VGLL4: variants seen among roughly 807,000 people sequenced by gnomAD.
VGLL4 encodes the protein vestigial like family member 4.
In VGLL4, 7 loss-of-function variants were observed where a neutral mutation model predicts 21.0. That is an observed-to-expected ratio of 0.33 (90% confidence interval 0.19 to 0.63). The LOEUF (loss-of-function observed/expected upper bound fraction) is 0.63, where lower values mean the gene tolerates loss of function less well. Ranked by LOEUF, VGLL4 falls within the 20% of genes least tolerant of loss-of-function variation. The pLI is 0.78. For synonymous variants in VGLL4, 222 were observed against 173.2 expected (o/e 1.28, Z -2.21); for missense variants, 394 against 425.7 (o/e 0.93, Z 0.66).
chr3:11,612,837 T>C (rs1394041121), intron 1 of VGLL4, among the ~76,000 whole-genome samples: 1 of 152,244 alleles, frequency 6.6e-6, no homozygotes, highest in Non-Finnish European at 1.5e-5. Context: ...TAACACCAAG[T>C]GCACAGTCCT....
chr3:11,638,827 G>C (rs529595720), intron 1 of VGLL4, among the ~76,000 whole-genome samples: 2 of 152,268 alleles, frequency 1.3e-5, no homozygotes, highest in African/African-American at 4.8e-5. Flanking sequence ...ACCGCTGGTG[G>C]TTAGACTGGT....
chr3:11,651,083 C>T (rs538524439), intron 2 of VGLL4, among the ~76,000 whole-genome samples: 1 of 152,180 alleles, frequency 6.6e-6, no homozygotes, highest in Non-Finnish European at 1.5e-5. Flanking sequence ...CGCGGTGGCT[C>T]ACGCCTGTAA....
chr3:11,573,308 G>GA (rs2073903442), intron 2 of VGLL4, among the ~76,000 whole-genome samples: 2 of 23,018 alleles, frequency 8.7e-5, no homozygotes, highest in East Asian at 1.4e-3. Flanking sequence ...AGAAAGAAAG[G>GA]AAGGAAGGAA....
chr3:11,685,712 T>G (rs1179991826), intron 2 of VGLL4, among the ~76,000 whole-genome samples: 1 of 152,046 alleles, frequency 6.6e-6, no homozygotes, highest in Admixed American at 6.6e-5. Flanking sequence ...GTAGCCAGAA[T>G]AGATAAAGAA....
chr3:11,709,775 T>C (rs1007182575), intron 1 of VGLL4, among the ~76,000 whole-genome samples: 9 of 152,234 alleles, frequency 5.9e-5, no homozygotes, highest in African/African-American at 2.2e-4. Context: ...AGCTCAGCTA[T>C]AAATCTGACA....
At chr3:11,639,613 C>T (rs1204380921) in intron 1 of VGLL4, among the ~76,000 whole-genome samples, 1 of 152,258 alleles carries the variant, frequency 6.6e-6, no homozygotes, top group Non-Finnish European at 1.5e-5. Context: ...TGGCTCACAC[C>T]TGTAATCCCA....
chr3:11,694,003 T>C (rs1465572573), intron 2 of VGLL4, among the ~76,000 whole-genome samples: 1 of 152,164 alleles, frequency 6.6e-6, no homozygotes, highest in African/African-American at 2.4e-5. Context: ...CGTTCAATTC[T>C]CAGCACTGCC....
intron 2 of VGLL4, among the ~76,000 whole-genome samples, chr3:11,660,852 C>T (rs1294313999): frequency 6.6e-6 from 1 of 152,042 alleles, no homozygotes; most frequent in Non-Finnish European, 1.5e-5. Flanking sequence ...AATTAAATAA[C>T]GTTGGGATCC....
At chr3:11,570,218 G>A (rs552496285) in intron 2 of VGLL4, among the ~76,000 whole-genome samples, 18 of 152,094 alleles carry the variant, frequency 1.2e-4, no homozygotes, top group African/African-American at 4.3e-4. Flanking sequence ...CAGCCGCTCA[G>A]GGTCGTCACA....
intron 1 of VGLL4, among the ~76,000 whole-genome samples, chr3:11,609,614 G>C (rs564024626): frequency 2.0e-5 from 3 of 152,328 alleles, no homozygotes; most frequent in East Asian, 3.9e-4. Context: ...GAGATGGGGC[G>C]AGTGATTGGG....
chr3:11,557,543 G>A lies in VGLL4; in HGVS notation c.*1013C>T, dbSNP rs1292672990. ...TGCTCATCGCGAGGGCCTGCCAGGAGCTGGCCTCCCGCACTACTTGTGAGT... is the reference window on the plus strand; with the variant it reads ...TGCTCATCGCGAGGGCCTGCCAGGAACTGGCCTCCCGCACTACTTGTGAGT... On this transcript the variant is annotated 3_prime_UTR_variant, in exon 5 of 5. Coordinates refer to ENST00000430365, the MANE Select transcript of VGLL4 (RefSeq NM_001128219.3). 6.6e-6 allele frequency: 1 copy of A among 152,560 alleles called. No individual in the cohort carries two copies. Among genetic ancestry groups the A allele is most frequent in the Non-Finnish European group, 1.5e-5 (1 of 68,056 alleles). The allele number at this position is 152,560 out of a possible 1,614,324, so 9.5% of individuals were successfully genotyped here.
At chr3:11,677,678 C>T (rs997773668) in intron 2 of VGLL4, among the ~76,000 whole-genome samples, 3 of 152,032 alleles carry the variant, frequency 2.0e-5, no homozygotes, top group African/African-American at 4.8e-5. Context: ...CAGTGGCTCA[C>T]ACCTGTAATC....
exon 1 of VGLL4, chr3:11,720,673 C>T (rs2076985824): frequency 6.6e-6 from 1 of 152,274 alleles, no homozygotes; most frequent in Non-Finnish European, 1.5e-5. Context: ...GAGTCCCCTT[C>T]AGCCGCTCAC....
At chr3:11,614,999 T>C (rs562625729) in intron 1 of VGLL4, among the ~76,000 whole-genome samples, 1 of 152,338 alleles carries the variant, frequency 6.6e-6, no homozygotes, top group East Asian at 1.9e-4. Flanking sequence ...TTTTTGTCAG[T>C]TTGTTTTAGC....
rs1191893842 is a variant in VGLL4, at chr3:11,556,335, C to G, written c.*2221G>C. The G allele has an allele frequency of 2.6e-5, 4 of 152,896 alleles. No homozygotes were observed. In the East Asian group the frequency reaches 7.6e-4, roughly 29 times the overall value. 9.5% of individuals were successfully genotyped at this position (152,896 alleles called of 1,614,324 possible). A position where few individuals can be genotyped will look rare whatever the true frequency, so the allele number is the denominator to read the frequency against. ...TGCTGCCTCCTCTGCCCCAGGCCCC[C>G]CTCCAGGGTACTGCCTATCCCAGAT... On this transcript the variant is annotated 3_prime_UTR_variant, in exon 5 of 5. Coordinates refer to ENST00000430365, the MANE Select transcript of VGLL4 (RefSeq NM_001128219.3).
chr3:11,628,637 G>C (rs2574707), intron 1 of VGLL4, among the ~76,000 whole-genome samples: 1 of 150,572 alleles, frequency 6.6e-6, no homozygotes, highest in East Asian at 2.0e-4. Context: ...TAGCTAACAC[G>C]GTGAAACCCC....
Position 11,643,762 on chromosome 3 carries a change from G to A in VGLL4, c.-244C>T, listed in dbSNP as rs2125333288. On this transcript the variant is annotated 5_prime_UTR_variant, in exon 1 of 5. Coordinates refer to ENST00000430365, the MANE Select transcript of VGLL4 (RefSeq NM_001128219.3). ...CGGTGTATGTACTGTATCCCCGATC[G>A]AGTATGAAAACAGCGTTTCAGAAGT... The A allele has an allele frequency of 5.7e-6, 7 of 1,225,546 alleles. No individual in the cohort carries two copies. The highest frequency in any genetic ancestry group is 7.1e-6 in the Non-Finnish European group (7 of 980,702). 75.9% of individuals were successfully genotyped at this position (1,225,546 alleles called of 1,614,324 possible).
chr3:11,671,899 C>G (rs2076223029), intron 2 of VGLL4, among the ~76,000 whole-genome samples: 1 of 152,112 alleles, frequency 6.6e-6, no homozygotes, highest in African/African-American at 2.4e-5. Context: ...ATTCACCACT[C>G]TATTATTATT....
At chr3:11,590,669 T>A (rs1444224259) in intron 2 of VGLL4, among the ~76,000 whole-genome samples, 2 of 128,916 alleles carry the variant, frequency 1.6e-5, no homozygotes, top group African/African-American at 2.9e-5. Context: ...GAAGAGTGTG[T>A]GTGTGTGTGT....
Sources: allele counts gnomAD v4.1 joint callset (sites outside exome capture counted in the v4.1 genomes callset), GRCh38; gene constraint gnomAD v4.1.1; transcripts MANE v1.5; gene names NCBI Gene and HGNC (gene_info 2026-07-23, HGNC 2026-07-21).